Variants in CTNND2 observed in about 807,000 individuals in gnomAD.
CTNND2 encodes catenin delta-2.
In CTNND2, 22 loss-of-function variants were observed where a neutral mutation model predicts 144.4. That is an observed-to-expected ratio of 0.15 (90% confidence interval 0.11 to 0.22). The LOEUF (loss-of-function observed/expected upper bound fraction) is 0.22. Ranked by LOEUF, CTNND2 falls within the 10% of genes least tolerant of loss-of-function variation. The pLI is 1.00. For missense variants in CTNND2, 1,353 were observed against 1,618.8 expected, an observed-to-expected ratio of 0.84 and a Z score of 2.82; for synonymous variants, 751 against 695.6, an observed-to-expected ratio of 1.08 and a Z score of -1.25.
rs183610122 is a variant in CTNND2 at position 11,169,664 on chromosome 5, C to A, written c.1976-9905G>T. ...CTTACAAAGATAGAGACGGCTATTG[C>A]CTTGGGGTTTCTTTTTTTATAATAT... On this transcript the variant is annotated intron_variant, in intron 11 of 21. Transcript: ENST00000304623. Among the ~76,000 whole-genome samples the A allele has an allele frequency of 1.5e-3, 233 of 152,258 alleles. 2 individuals are homozygous for A. Among genetic ancestry groups the A allele is most frequent in the African/African-American group, 5.4e-3 (226 of 41,548 alleles).
At chr5:11,459,168 C>T (rs1390450536) in intron 3 of CTNND2, among the ~76,000 whole-genome samples, 1 of 152,140 alleles carries the variant, frequency 6.6e-6, no homozygotes, top group Non-Finnish European at 1.5e-5. Flanking sequence ...AATTTAGTGG[C>T]TATTACAAGT....
At chr5:11,622,465 A>G (rs1780896217) in intron 2 of CTNND2, among the ~76,000 whole-genome samples, 1 of 152,184 alleles carries the variant, frequency 6.6e-6, no homozygotes, top group South Asian at 2.1e-4. Context: ...TTGCTGTAAG[A>G]GTTCTTATCA....
intron 10 of CTNND2, among the ~76,000 whole-genome samples, chr5:11,210,435 A>G (rs1486757278): frequency 6.6e-6 from 1 of 152,208 alleles, no homozygotes; most frequent in Non-Finnish European, 1.5e-5. Context: ...CAAGAAATAA[A>G]GATCTAAGAC....
At chr5:11,672,419 TG>T (rs986742549) in intron 2 of CTNND2, among the ~76,000 whole-genome samples, 1 of 152,036 alleles carries the variant, frequency 6.6e-6, no homozygotes, top group Admixed American at 6.6e-5. Context: ...CCCAGGGAGA[TG>T]GGGGTTTTAT....
intron 2 of CTNND2, among the ~76,000 whole-genome samples, chr5:11,624,504 G>C (rs1275639613): frequency 6.6e-6 from 1 of 152,058 alleles, no homozygotes; most frequent in Non-Finnish European, 1.5e-5. Context: ...CATGGACAAT[G>C]ATCAGTCAAA....
Position 11,237,264 on chromosome 5 carries a change from C to A in CTNND2, c.1629-441G>T, listed in dbSNP as rs1028154023. Among the ~76,000 whole-genome samples the A allele has an allele frequency of 3.9e-5, 6 of 152,080 alleles. No individual in the cohort carries two copies. The East Asian group carries it at 9.6e-4, about 24-fold the overall frequency. On this transcript the variant is annotated intron_variant, in intron 9 of 21. Coordinates refer to ENST00000304623, the MANE Select transcript of CTNND2 (RefSeq NM_001332.4). ...TCGATCTCCTGACCTCGTGATCCGC[C>A]CACCTCGGCCTCCCAAAGTGCTGGG...
At chr5:11,212,041 G>A (rs1282694771) in intron 10 of CTNND2, among the ~76,000 whole-genome samples, 1 of 152,066 alleles carries the variant, frequency 6.6e-6, no homozygotes, top group Non-Finnish European at 1.5e-5. Context: ...ATGATGGAAA[G>A]TATTTTTTGT....
intron 9 of CTNND2, among the ~76,000 whole-genome samples, chr5:11,267,572 C>T (rs550533511): frequency 2.0e-5 from 3 of 152,250 alleles, no homozygotes; most frequent in African/African-American, 7.2e-5. Context: ...GTGTGGGGGC[C>T]TGTTAACAAC....
intron 1 of CTNND2, among the ~76,000 whole-genome samples, chr5:11,847,156 A>G (rs901326289): frequency 7.9e-6 from 1 of 126,986 alleles, no homozygotes; most frequent in Non-Finnish European, 1.6e-5. Context: ...ATATATATAT[A>G]TATATATATA....
intron 16 of CTNND2, among the ~76,000 whole-genome samples, chr5:11,069,658 A>G (rs1748012661): frequency 9.2e-6 from 1 of 108,372 alleles, no homozygotes; most frequent in Admixed American, 8.4e-5. Context: ...AAAGAGAGAG[A>G]GAGAGACAGA....
At position 11,121,741 on chromosome 5, in the gene CTNND2, A is replaced by G. The variant is rs984694154; in HGVS notation, c.2160-4174T>C. Among the ~76,000 whole-genome samples the G allele has an allele frequency of 3.9e-5, 6 of 152,166 alleles. No individual in the cohort carries two copies. The East Asian group carries it at 9.6e-4, about 24-fold the overall frequency. On this transcript the variant is annotated intron_variant, in intron 12 of 21. Transcript: ENST00000304623. Reference sequence around the variant, plus strand: ...TAGGACCCAACGTGGAACTCAGACCATATGTTCACCTGTATGACTACGGCA... The same window carrying G: ...TAGGACCCAACGTGGAACTCAGACCGTATGTTCACCTGTATGACTACGGCA...
Position 11,470,972 on chromosome 5 carries a change from ATATATATAT to A in CTNND2, c.288-58912_288-58904del, listed in dbSNP as rs1235373115. Among the ~76,000 whole-genome samples, 226 of 98,390 alleles carry A rather than the reference ATATATATAT, an allele frequency of 2.3e-3. 5 individuals are homozygous for A. The highest frequency in any genetic ancestry group is 9.8e-3 in the Middle Eastern group (2 of 204). 64.5% of individuals were successfully genotyped at this position (98,390 alleles called of 152,430 possible). On this transcript the variant is annotated intron_variant, in intron 3 of 21. Coordinates refer to ENST00000304623, the MANE Select transcript of CTNND2 (RefSeq NM_001332.4). ...ATACAAAGTATATATATATATATAT[ATATATATAT>A]TTTTTTTTTTTTTTTAGATGGAGTC...
intron 2 of CTNND2, among the ~76,000 whole-genome samples, chr5:11,680,076 T>A (rs1193100902): frequency 6.6e-6 from 1 of 152,002 alleles, no homozygotes; most frequent in Non-Finnish European, 1.5e-5. Context: ...CTAGGGGACG[T>A]GGGTGGCAGG....
At chr5:11,323,132 G>C (rs1234018666) in intron 9 of CTNND2, among the ~76,000 whole-genome samples, 2 of 151,870 alleles carry the variant, frequency 1.3e-5, no homozygotes, top group East Asian at 3.9e-4. Flanking sequence ...TTGAACTCCT[G>C]GGGTTAAGTG....
intron 2 of CTNND2, among the ~76,000 whole-genome samples, chr5:11,687,460 A>G (rs1202741622): frequency 1.3e-5 from 2 of 152,198 alleles, no homozygotes; most frequent in African/African-American, 2.4e-5. Context: ...GTCCACCCAG[A>G]TTCAAAACCT....
chr5:11,318,066 T>G (rs56191875), intron 9 of CTNND2, among the ~76,000 whole-genome samples: 1 of 152,144 alleles, frequency 6.6e-6, no homozygotes, highest in Non-Finnish European at 1.5e-5. Context: ...CAGGGAACCC[T>G]CAGTCCCTCT....
chr5:11,300,796 C>G (rs55654671), intron 9 of CTNND2, among the ~76,000 whole-genome samples: 12,483 of 152,110 alleles, frequency 0.082, 617 homozygotes, highest in East Asian at 0.11. Context: ...CTCTTTTGAG[C>G]ACCCCCAGCC....
In CTNND2 at chr5:11,154,037, T is replaced by C. The variant is rs141619613; in HGVS notation, c.2159+5539A>G. ...ATGATAACAGCCACAGCGGGATCTTTAGGATATGCATCGGTGATATTTTAA... is the reference window on the plus strand; with the variant it reads ...ATGATAACAGCCACAGCGGGATCTTCAGGATATGCATCGGTGATATTTTAA... On this transcript the variant is annotated intron_variant, in intron 12 of 21. Coordinates refer to ENST00000304623, the MANE Select transcript of CTNND2 (RefSeq NM_001332.4). Among the ~76,000 whole-genome samples the C allele has an allele frequency of 9.8e-5, 15 of 152,348 alleles. No homozygotes were observed. The East Asian group carries it at 2.5e-3, about 25-fold the overall frequency.
intron 9 of CTNND2, among the ~76,000 whole-genome samples, chr5:11,284,849 C>T (rs562390711): frequency 6.6e-6 from 1 of 152,294 alleles, no homozygotes; most frequent in Admixed American, 6.5e-5. Flanking sequence ...GTGTTCCAGG[C>T]TGGAACTTTG....
Sources: gnomAD v4.1 joint callset for allele counts (sites outside exome capture counted in the v4.1 genomes callset) on GRCh38, gnomAD v4.1.1 for gene constraint, MANE v1.5 for transcripts, NCBI Gene and HGNC (gene_info 2026-07-23, HGNC 2026-07-21) for gene names.